Variants in CCDC171 observed in about 807,000 individuals in gnomAD.
CCDC171 encodes coiled-coil domain-containing protein 171.
Under a neutral mutation model 168.2 loss-of-function variants are expected in CCDC171, and 177 were observed. That is an observed-to-expected ratio of 1.05 (90% confidence interval 0.93 to 1.19). CCDC171 has a LOEUF of 1.19. CCDC171 is among the 50% of genes most tolerant of loss of function. CCDC171 has a pLI of 0.00. For synonymous variants in CCDC171, 687 were observed against 540.8 expected, an observed-to-expected ratio of 1.27 and a Z score of -3.75; for missense variants, 1,991 against 1,539.0, an observed-to-expected ratio of 1.29 and a Z score of -4.91.
At chr9:15,566,977 G>A (rs2039784489) in intron 2 of CCDC171, among the ~76,000 whole-genome samples, 1 of 150,108 alleles carries the variant, frequency 6.7e-6, no homozygotes, top group Admixed American at 6.6e-5. Flanking sequence ...AACTATTTAA[G>A]TATAGGTTTA....
intron 24 of CCDC171, among the ~76,000 whole-genome samples, chr9:15,896,141 A>G (rs1005305535): frequency 2.8e-4 from 43 of 152,006 alleles, no homozygotes; most frequent in Non-Finnish European, 3.4e-4. Context: ...AATAATCACC[A>G]TCAATCTAGA....
At chr9:15,737,168 GTTAATA>G (rs1282996439) in intron 16 of CCDC171, among the ~76,000 whole-genome samples, 2 of 151,406 alleles carry the variant, frequency 1.3e-5, no homozygotes, top group Admixed American at 6.6e-5. Context: ...ACATAATTTA[GTTAATA>G]TTAATAAAAA....
At chr9:15,670,151 A>G (rs1205215039) in intron 9 of CCDC171, among the ~76,000 whole-genome samples, 1 of 151,834 alleles carries the variant, frequency 6.6e-6, no homozygotes, top group Non-Finnish European at 1.5e-5. Context: ...CTTGGTTGGG[A>G]GTTTAGCAGC....
At chr9:16,059,492 TTTTTTTTTTTTTC>T (rs1833895656) in intron 1 of CCDC171, among the ~76,000 whole-genome samples, 1 of 129,446 alleles carries the variant, frequency 7.7e-6, no homozygotes, top group African/African-American at 2.8e-5. Flanking sequence ...ATAGCAGGTC[TTTTTTTTTTTTTC>T]TTTTTTTTTT....
chr9:16,085,350 A>G, the CCDC171 span, among the ~76,000 whole-genome samples: 1 of 152,184 alleles, frequency 6.6e-6, no homozygotes, highest in Non-Finnish European at 1.5e-5. Context: ...GGTAGGGGGA[A>G]CTCAAGCTGC....
chr9:15,809,290 C>G (rs1463319122), intron 21 of CCDC171, among the ~76,000 whole-genome samples: 1 of 152,158 alleles, frequency 6.6e-6, no homozygotes, highest in East Asian at 1.9e-4. Flanking sequence ...TAGAGCAGCA[C>G]TGTCCAATAT....
At position 15,744,393 on chromosome 9, in the gene CCDC171, C is replaced by A. The variant is rs771376201; in HGVS notation, c.2170C>A (p.Gln724Lys). ...ACTGTTATCACAGACTCAAAGGGAACAGATGTCCTTGCTGGCAGCCTGTGC... is the reference window on the plus strand; with the variant it reads ...ACTGTTATCACAGACTCAAAGGGAAAAGATGTCCTTGCTGGCAGCCTGTGC... ...KKLLSQTQRE[Q>K]MSLLAACALM... is the part of the protein sequence containing the mutation. Residue 724 changes from glutamine to lysine, a missense_variant, in exon 17 of 26, where the codon CAG (glutamine) becomes AAG (lysine). Coordinates refer to ENST00000380701, the MANE Select transcript of CCDC171 (RefSeq NM_173550.4). 3.7e-6 allele frequency: 6 copies of A among 1,614,148 alleles called. No individual in the cohort carries two copies. The South Asian group carries it at 6.6e-5, about 18-fold the overall frequency.
chr9:15,789,633 G>A (rs1470306773), intron 21 of CCDC171, among the ~76,000 whole-genome samples: 1 of 151,718 alleles, frequency 6.6e-6, no homozygotes, highest in African/African-American at 2.4e-5. Context: ...TTAAGTTCTA[G>A]GGTACATGTG....
At chr9:15,901,180 C>G (rs896636248) in intron 24 of CCDC171, among the ~76,000 whole-genome samples, 2 of 151,714 alleles carry the variant, frequency 1.3e-5, no homozygotes, top group African/African-American at 4.8e-5. Context: ...CAGTGGTTGC[C>G]AGGAGTTAGA....
intron 1 of CCDC171, among the ~76,000 whole-genome samples, chr9:16,057,122 A>G (rs1833853563): frequency 1.3e-5 from 2 of 152,300 alleles, no homozygotes; most frequent in South Asian, 2.1e-4. Context: ...TATGAATGAC[A>G]TCCTTTTATA....
chr9:15,904,774 G>C (rs1268974038), intron 24 of CCDC171, among the ~76,000 whole-genome samples: 5 of 150,664 alleles, frequency 3.3e-5, no homozygotes, highest in Admixed American at 1.3e-4. Context: ...ATTCAGGAAA[G>C]CCATCTCACG....
chr9:15,598,159 T>C (rs1227498246), intron 6 of CCDC171, among the ~76,000 whole-genome samples: 1 of 152,180 alleles, frequency 6.6e-6, no homozygotes, highest in Non-Finnish European at 1.5e-5. Flanking sequence ...TCAGTTCTCT[T>C]CTGATCTTAG....
intron 3 of CCDC171, among the ~76,000 whole-genome samples, chr9:15,996,213 C>T (rs1832365590): frequency 6.6e-6 from 1 of 152,098 alleles, no homozygotes; most frequent in Non-Finnish European, 1.5e-5. Context: ...GAACAGTTTA[C>T]ACCACAGAGC....
chr9:15,580,404 A>C (rs1326210320), intron 4 of CCDC171, among the ~76,000 whole-genome samples: 4 of 152,198 alleles, frequency 2.6e-5, no homozygotes, highest in African/African-American at 7.2e-5. Flanking sequence ...ATTAAACTAA[A>C]AAGCTTTTGC....
intron 7 of CCDC171, among the ~76,000 whole-genome samples, chr9:15,641,373 A>G (rs1034681996): frequency 6.6e-6 from 1 of 152,270 alleles, no homozygotes; most frequent in Non-Finnish European, 1.5e-5. Flanking sequence ...TTTAAGTTCA[A>G]ATCCTCTAAG....
intron 25 of CCDC171, among the ~76,000 whole-genome samples, chr9:15,926,884 CT>C (rs1457978832): frequency 6.6e-6 from 1 of 151,612 alleles, no homozygotes; most frequent in Non-Finnish European, 1.5e-5. Context: ...GGCAAAAGAA[CT>C]AAAACAACCC....
At chr9:15,556,168 G>A (rs2038779866) in intron 1 of CCDC171, among the ~76,000 whole-genome samples, 1 of 152,180 alleles carries the variant, frequency 6.6e-6, no homozygotes, top group Admixed American at 6.5e-5. Flanking sequence ...CTTTATAGCA[G>A]CATGATTTAC....
intron 19 of CCDC171, among the ~76,000 whole-genome samples, chr9:15,778,665 A>AAAAAAAAAT (rs1483818571): frequency 6.7e-6 from 1 of 149,986 alleles, no homozygotes; most frequent in Non-Finnish European, 1.5e-5. Flanking sequence ...AAAAAAAAAA[A>AAAAAAAAAT]GGCATGACAT....
intron 25 of CCDC171, among the ~76,000 whole-genome samples, chr9:15,968,594 G>T (rs1831034819): frequency 7.0e-6 from 1 of 142,188 alleles, no homozygotes; most frequent in Non-Finnish European, 1.5e-5. Context: ...AGGCTGGAGT[G>T]CAGTGTGCAG....
Sources: gnomAD v4.1 joint callset for allele counts (sites outside exome capture counted in the v4.1 genomes callset) on GRCh38, gnomAD v4.1.1 for gene constraint, MANE v1.5 for transcripts, NCBI Gene and HGNC (gene_info 2026-07-23, HGNC 2026-07-21) for gene names.